The following ANO7 variants were observed in gnomAD, a reference collection of about 807,000 sequenced individuals.
The protein encoded by ANO7 is anoctamin 7.
ANO7 carries 114 observed loss-of-function variants against 115.8 expected under a neutral mutation model. The observed-to-expected ratio is 0.98, with a 90% CI of 0.85 to 1.15. ANO7 has a LOEUF of 1.15. ANO7 is among the 50% of genes most tolerant of loss of function. The pLI is 0.00. For synonymous variants in ANO7, 550 were observed against 498.2 expected, an observed-to-expected ratio of 1.10 and a Z score of -1.38; for missense variants, 1,302 against 1,201.2, an observed-to-expected ratio of 1.08 and a Z score of -1.24.
downstream of ANO7, chr2:241,229,553 G>C (rs749580078): frequency 7.3e-7 from 1 of 1,371,280 alleles, no homozygotes; most frequent in Non-Finnish European, 1.0e-6. Context: ...CCATTGTGTG[G>C]TTGGGTTTGG....
In ANO7 at chr2:241,203,416, G is replaced by GGGC. The variant is rs1483191120; in HGVS notation, c.808_810dup (p.Gly270dup). 1 of 1,596,664 alleles carries GGGC rather than the reference G, an allele frequency of 6.3e-7. No individual in the cohort carries two copies. Among genetic ancestry groups the GGGC allele is most frequent in the Non-Finnish European group, 8.5e-7 (1 of 1,172,574 alleles). On this transcript the variant is annotated inframe_insertion, in exon 9 of 25. Transcript: ENST00000674324. This position sits in a 1 kb window ranked among gnomAD's most constrained non-coding sequence, Gnocchi z 4.8. Reference sequence around the variant, plus strand: ...TCCTTTTCCAGCACTGGGCGCGCTGGGGCAAGTGGAACAAGTACCAGCCCC... The same window carrying GGGC: ...TCCTTTTCCAGCACTGGGCGCGCTGGGGCGGCAAGTGGAACAAGTACCAGCCCC...
intron 21 of ANO7, 135 bp downstream of exon 21, chr2:241,218,516 A>T: frequency 6.2e-5 from 17 of 274,562 alleles, no homozygotes; most frequent in East Asian, 1.8e-4. Flanking sequence ...GGAGGGGGGG[A>T]GCTGGGGGCG....
At chr2:241,226,957 G>C (rs2069200724), downstream of ANO7, among the ~76,000 whole-genome samples, 1 of 152,180 alleles carries the variant, frequency 6.6e-6, no homozygotes, top group Non-Finnish European at 1.5e-5. Flanking sequence ...GCCGGGTCCA[G>C]GGTGCCAGGA....
At chr2:241,204,262 A>C (rs971763545) in intron 9 of ANO7, among the ~76,000 whole-genome samples, 1 of 152,174 alleles carries the variant, frequency 6.6e-6, no homozygotes, top group Non-Finnish European at 1.5e-5. Flanking sequence ...CTCCAGGCAG[A>C]CTTGCGTTTC....
chr2:241,201,493 CT>C, intron 7 of ANO7, 138 bp downstream of exon 7: 2 of 929,006 alleles, frequency 2.2e-6, no homozygotes, highest in Non-Finnish European at 3.2e-6. Flanking sequence ...GCTTTGGAAA[CT>C]TTAGAGGCTG....
intron 21 of ANO7, among the ~76,000 whole-genome samples, chr2:241,220,540 T>C (rs961704650): frequency 6.6e-6 from 1 of 151,764 alleles, no homozygotes; most frequent in African/African-American, 2.4e-5. Flanking sequence ...CTGTTAAAAA[T>C]ACAAAAAAAG....
chr2:241,232,953 G>A, the ANO7 span, among the ~76,000 whole-genome samples: 2 of 151,866 alleles, frequency 1.3e-5, no homozygotes, highest in African/African-American at 2.4e-5. Context: ...GTGACTCAAA[G>A]ATCCAAAAGG....
downstream of ANO7, chr2:241,229,785 C>T (rs779996804): frequency 3.0e-5 from 15 of 505,704 alleles, no homozygotes; most frequent in Non-Finnish European, 5.8e-5. Context: ...AGCCCGCCTG[C>T]CCGCCCACCC....
intron 8 of ANO7, 89 bp downstream of exon 8, chr2:241,202,393 A>G: frequency 8.2e-7 from 1 of 1,223,098 alleles, no homozygotes; most frequent in Non-Finnish European, 1.2e-6. Context: ...GGTGTGGGGC[A>G]GGCATGGTCA....
chr2:241,195,094 T>G (rs60297691), intron 3 of ANO7, among the ~76,000 whole-genome samples: 2,035 of 152,326 alleles, frequency 0.013, 56 homozygotes, highest in African/African-American at 0.044. Flanking sequence ...GGCTCCGTCT[T>G]CTTCCCAAGC....
At position 241,200,178 on chromosome 2, in the gene ANO7, A is replaced by AC. The variant is rs574615370; in HGVS notation, c.513dup (p.Glu172ArgfsTer19). ...TCCTGCTGGAGGTTGTGCCAGACGT[A>AC]CCCCCCGAGTACTACTCCTGCCGGT... is the stretch of plus-strand genomic sequence containing the variant. On this transcript the variant is annotated frameshift_variant, in exon 6 of 25. Coordinates refer to ENST00000674324, the MANE Select transcript of ANO7 (RefSeq NM_001370694.2). LOFTEE classifies it high-confidence loss of function. 19 of 1,612,168 alleles carry AC rather than the reference A, an allele frequency of 1.2e-5. No homozygotes were observed. The African/African-American group carries it at 1.9e-4, about 16-fold the overall frequency.
intron 17 of ANO7, among the ~76,000 whole-genome samples, chr2:241,213,388 CTG>C (rs1160260439): frequency 6.6e-6 from 1 of 152,272 alleles, no homozygotes; most frequent in African/African-American, 2.4e-5. Flanking sequence ...CTCCGTATCT[CTG>C]AGAGCCAGGC....
the ANO7 span, among the ~76,000 whole-genome samples, chr2:241,234,663 C>T: frequency 0.018 from 2,739 of 152,344 alleles, 48 homozygotes; most frequent in Non-Finnish European, 0.027. Flanking sequence ...CAGCGCTCCG[C>T]TCATACAATC....
intron 2 of ANO7, 132 bp from the exon 3 acceptor site, chr2:241,191,062 G>A: frequency 1.0e-6 from 1 of 985,078 alleles, no homozygotes; most frequent in East Asian, 2.4e-5. Flanking sequence ...ATTCTTCTGT[G>A]GTCCTGAGTG....
chr2:241,208,923 GTGGAT>G, intron 11 of ANO7, among the ~76,000 whole-genome samples: 1 of 152,104 alleles, frequency 6.6e-6, no homozygotes, highest in Non-Finnish European at 1.5e-5. Flanking sequence ...GCCAAGGCGG[GTGGAT>G]CACAAGGTCA....
intron 9 of ANO7, 84 bp from the exon 10 acceptor site, chr2:241,204,781 G>C: frequency 1.9e-6 from 2 of 1,040,660 alleles, no homozygotes; most frequent in Non-Finnish European, 2.9e-6. Flanking sequence ...TGGTCCCTAG[G>C]GGACAAGCAT....
chr2:241,201,381 C>G, intron 7 of ANO7, 26 bp downstream of exon 7: 2 of 1,607,034 alleles, frequency 1.2e-6, no homozygotes, highest in South Asian at 2.2e-5. Context: ...CTGCCGCGGG[C>G]CCCAAACCCT....
intron 15 of ANO7, among the ~76,000 whole-genome samples, chr2:241,210,885 G>C (rs1366617357): frequency 2.6e-5 from 4 of 151,500 alleles, no homozygotes; most frequent in Non-Finnish European, 5.9e-5. Flanking sequence ...GCTCAGGCTG[G>C]TCTCGAGCTC....
At chr2:241,201,418 C>T (rs1190182285) in intron 7 of ANO7, 63 bp downstream of exon 7, 5 of 1,551,032 alleles carry the variant, frequency 3.2e-6, no homozygotes, top group Non-Finnish European at 3.5e-6. Flanking sequence ...TCCTGCCAGC[C>T]CCCAGCCTCC....
Sources: allele counts gnomAD v4.1 joint callset (sites outside exome capture counted in the v4.1 genomes callset), GRCh38; gene constraint gnomAD v4.1.1; non-coding constraint Gnocchi (gnomAD v3.1); transcripts MANE v1.5; gene names NCBI Gene and HGNC (gene_info 2026-07-23, HGNC 2026-07-21).